The following MN1 variants were observed in gnomAD, a reference collection of about 807,000 sequenced individuals.
MN1 encodes MN1 proto-oncogene, transcriptional regulator.
MN1 carries 19 observed loss-of-function variants against 86.9 expected under a neutral mutation model. That is an observed-to-expected ratio of 0.22 (90% CI 0.15 to 0.32). MN1 has a LOEUF of 0.32. Among genes scored for constraint, MN1 ranks in the 10% least tolerant of loss-of-function variants. MN1 has a pLI of 1.00. For missense variants in MN1, 1,841 were observed against 1,862.0 expected (o/e 0.99, Z 0.21); for synonymous variants, 928 against 849.6 (o/e 1.09, Z -1.60).
chr22:27,796,982 C>T lies in MN1; in HGVS notation c.3562G>A (p.Gly1188Arg), dbSNP rs1461930903. The T allele has an allele frequency of 6.2e-7, 1 of 1,612,254 alleles. No individual in the cohort carries two copies. Among genetic ancestry groups the T allele is most frequent in the Non-Finnish European group, 8.5e-7 (1 of 1,179,602 alleles). Reference protein sequence around the residue: ...KGGKKGECAVGASGAQNGDSE... With the variant: ...KGGKKGECAVRASGAQNGDSE... ...TCGCCATTCTGCGCCCCTGAGGCCC[C>T]GACGGCGCACTCACCCTTCTTGCCA... is the stretch of plus-strand genomic sequence containing the variant. The change falls in exon 1 of 2, where the codon GGG becomes AGG. Residue 1188 changes from glycine (G) to arginine (R), a missense_variant. Coordinates refer to ENST00000302326, the MANE Select transcript of MN1 (RefSeq NM_002430.3).
intron 1 of MN1, among the ~76,000 whole-genome samples, chr22:27,786,747 C>A (rs1017193513): frequency 5.3e-5 from 8 of 151,992 alleles, no homozygotes; most frequent in African/African-American, 1.9e-4. Flanking sequence ...AGGCGCCACT[C>A]GCCTCCTCTT....
chr22:27,756,816 C>T (rs1414371117), intron 1 of MN1, among the ~76,000 whole-genome samples: 2 of 152,156 alleles, frequency 1.3e-5, no homozygotes, highest in Non-Finnish European at 2.9e-5. Flanking sequence ...AGTGCAGTGG[C>T]ACAATCATAG....
chr22:27,782,585 T>C (rs1224243077), intron 1 of MN1, among the ~76,000 whole-genome samples: 2 of 152,222 alleles, frequency 1.3e-5, no homozygotes, highest in Non-Finnish European at 2.9e-5. Flanking sequence ...TGCTGGCATA[T>C]AGTACTTTCT....
At chr22:27,760,484 G>A (rs1406836988) in intron 1 of MN1, among the ~76,000 whole-genome samples, 1 of 151,882 alleles carries the variant, frequency 6.6e-6, no homozygotes, top group Non-Finnish European at 1.5e-5. Context: ...ACTCCAGCCA[G>A]AGTGACAGAG....
chr22:27,762,258 C>T (rs138766949), intron 1 of MN1, among the ~76,000 whole-genome samples: 4 of 152,308 alleles, frequency 2.6e-5, no homozygotes, highest in East Asian at 3.9e-4. Context: ...GTGTTGCCCG[C>T]GTGCTTATGC....
chr22:27,771,980 G>T (rs1932920956), intron 1 of MN1, among the ~76,000 whole-genome samples: 1 of 152,114 alleles, frequency 6.6e-6, no homozygotes. Context: ...AGAGGTTGTT[G>T]GACCCGACAC....
In MN1 at chr22:27,799,202, G is replaced by A; in HGVS notation, c.1342C>T (p.Pro448Ser). 1 of 1,604,230 alleles carries A rather than the reference G, an allele frequency of 6.2e-7. No individual in the cohort carries two copies. The highest frequency in any genetic ancestry group is 8.5e-7 in the Non-Finnish European group (1 of 1,173,460). Residue 448 changes from proline (P) to serine (S), a missense_variant, in exon 1 of 2, where the codon CCC becomes TCC. Coordinates refer to ENST00000302326, the MANE Select transcript of MN1 (RefSeq NM_002430.3). The part of the protein sequence containing the change: ...PNQRLQHFDA[P>S]PYMNVAKRPR... ...CTCTTGGCCACGTTCATGTAGGGGG[G>A]CGCGTCGAAATGCTGCAGCCGCTGG...
At position 27,799,853 on chromosome 22, in the gene MN1, G is replaced by A. The variant is rs1233384867; in HGVS notation, c.691C>T (p.Leu231=). 2 of 1,601,648 alleles carry A rather than the reference G, an allele frequency of 1.2e-6. No homozygotes were observed. The highest frequency in any genetic ancestry group is 2.2e-5 in the South Asian group (2 of 89,496). Residue 231 remains leucine (L), a synonymous_variant, in exon 1 of 2, where the codon CTG becomes TTG. Coordinates refer to ENST00000302326, the MANE Select transcript of MN1 (RefSeq NM_002430.3). ...GCCTCGCCCGGGTAATTGTATTCCA[G>A]CGAGTCGACGGCTCCTTGGTTCGTC... ...RVTNQGAVDS[L]EYNYPGEAPS... is the part of the protein sequence containing the mutation.
At chr22:27,782,762 T>C (rs1933071056) in intron 1 of MN1, among the ~76,000 whole-genome samples, 2 of 152,246 alleles carry the variant, frequency 1.3e-5, no homozygotes, top group African/African-American at 2.4e-5. Context: ...GAACTGGAAT[T>C]GCTGGGGTTT....
At chr22:27,780,271 A>C (rs1933034928) in intron 1 of MN1, among the ~76,000 whole-genome samples, 1 of 152,050 alleles carries the variant, frequency 6.6e-6, no homozygotes, top group Non-Finnish European at 1.5e-5. Context: ...ACAAGCCCCG[A>C]GCAGTCGGGC....
chr22:27,800,843 C>T lies in MN1; in HGVS notation c.-300G>A. On this transcript the variant is annotated 5_prime_UTR_variant, in exon 1 of 2. Coordinates refer to ENST00000302326, the MANE Select transcript of MN1 (RefSeq NM_002430.3). ...GCGGTTGTCACAGCCGCGGGTGGGT[C>T]TGCGGGGAGGGGACGAAGCCGCGGA... 1 of 414,886 alleles carries T rather than the reference C, an allele frequency of 2.4e-6. No individual in the cohort carries two copies. The highest frequency in any genetic ancestry group is 4.3e-6 in the Non-Finnish European group (1 of 230,846). 25.7% of individuals were successfully genotyped at this position (414,886 alleles called of 1,614,324 possible).
At chr22:27,769,571 G>C (rs74425147) in intron 1 of MN1, among the ~76,000 whole-genome samples, 1 of 3,606 alleles carries the variant, frequency 2.8e-4, no homozygotes, top group African/African-American at 1.5e-3. Flanking sequence ...TTTTTTTTTT[G>C]AGACAGAGTC....
intron 1 of MN1, among the ~76,000 whole-genome samples, chr22:27,770,880 A>G (rs1235838337): frequency 1.3e-5 from 2 of 151,772 alleles, no homozygotes; most frequent in East Asian, 3.9e-4. Context: ...GCTGGTCTTG[A>G]ACTTCTGGCC....
intron 1 of MN1, among the ~76,000 whole-genome samples, chr22:27,770,017 C>T (rs1228695698): frequency 6.6e-6 from 1 of 152,188 alleles, no homozygotes; most frequent in African/African-American, 2.4e-5. Context: ...TCGCCCAAGG[C>T]CACATAGTCA....
intron 1 of MN1, among the ~76,000 whole-genome samples, chr22:27,777,205 C>G (rs780620912): frequency 4.9e-4 from 74 of 152,166 alleles, no homozygotes; most frequent in Non-Finnish European, 9.6e-4. Flanking sequence ...GGTTTGCTCA[C>G]CATAGCGTGG....
chr22:27,763,546 T>G (rs74562526), intron 1 of MN1, among the ~76,000 whole-genome samples: 12,547 of 152,218 alleles, frequency 0.082, 735 homozygotes, highest in Middle Eastern at 0.2. Flanking sequence ...GTTTGGTCAT[T>G]CCTTCCTTGC....
Position 27,750,994 on chromosome 22 carries a change from C to G in MN1, c.3884G>C (p.Arg1295Pro). The change falls in exon 2 of 2, where the codon CGA (arginine) becomes CCA (proline). Residue 1295 changes from arginine (R) to proline (P), a missense_variant. Arg to Pro is a moderately radical substitution (Grantham distance 103). Transcript: ENST00000302326. Reference sequence around the variant, plus strand: ...GGACCGCCAGGTGGGCACGGAGGCTCGAGCCTTGGCGTCACCCACGTCGTC... The same window carrying G: ...GGACCGCCAGGTGGGCACGGAGGCTGGAGCCTTGGCGTCACCCACGTCGTC... The part of the protein sequence containing the change: ...CTDDVGDAKA[R>P]ASVPTWRSLH... The G allele has an allele frequency of 6.2e-7, 1 of 1,612,940 alleles. No homozygotes were observed. The highest frequency in any genetic ancestry group is 1.7e-4 in the Middle Eastern group (1 of 6,050).
rs1158320001 is a variant in MN1, at chr22:27,798,564, G to C, written c.1980C>G (p.Asp660Glu). The change falls in exon 1 of 2, where the codon GAC (aspartate) becomes GAG (glutamate). Residue 660 changes from aspartate (D) to glutamate (E), a missense_variant. Physicochemically the swap from Asp to Glu is conservative, Grantham distance 45. Transcript: ENST00000302326. ...GCGGAGGAGGGGGCGCCAGGCTGGG[G>C]TCGTGCGGGCCACAGTCAGCGGGCA... ...SGLPADCGPH[D>E]PSLAPPPPPG... The C allele has an allele frequency of 6.5e-7, 1 of 1,530,614 alleles. No individual in the cohort carries two copies. Among genetic ancestry groups the C allele is most frequent in the Non-Finnish European group, 8.7e-7 (1 of 1,148,782 alleles). 94.8% of individuals were successfully genotyped at this position (1,530,614 alleles called of 1,614,324 possible). A position where few individuals can be genotyped will look rare whatever the true frequency, so the allele number is the denominator to read the frequency against.
rs754192681 is a variant in MN1, at chr22:27,750,982, G to C, written c.3896C>G (p.Pro1299Arg). 6.2e-7 allele frequency: 1 copy of C among 1,613,106 alleles called. No individual in the cohort carries two copies. The highest frequency in any genetic ancestry group is 1.1e-5 in the South Asian group (1 of 90,952). The change falls in exon 2 of 2, where the codon CCC (proline) becomes CGC (arginine). Residue 1299 changes from proline to arginine, a missense_variant. By Grantham distance (103) the Pro-to-Arg change is moderately radical. Coordinates refer to ENST00000302326, the MANE Select transcript of MN1 (RefSeq NM_002430.3). ...VGDAKARASV[P>R]TWRSLHSDIS... ...GTCAGAATGCAGGGACCGCCAGGTG[G>C]GCACGGAGGCTCGAGCCTTGGCGTC...
Sources: gnomAD v4.1 joint callset for allele counts (sites outside exome capture counted in the v4.1 genomes callset) on GRCh38, gnomAD v4.1.1 for gene constraint, MANE v1.5 for transcripts, NCBI Gene and HGNC (gene_info 2026-07-23, HGNC 2026-07-21) for gene names.